FRMD5: variants seen among roughly 807,000 people sequenced by gnomAD.
The protein encoded by FRMD5 is FERM domain containing 5.
In FRMD5, 20 loss-of-function variants were observed where a neutral mutation model predicts 69.0. The ratio of observed to expected loss-of-function variants is 0.29; its 90% confidence interval spans 0.20 to 0.42. The LOEUF (loss-of-function observed/expected upper bound fraction) is 0.42. FRMD5 is among the 10% of genes least tolerant of loss of function. FRMD5 has a pLI of 1.00. For synonymous variants in FRMD5, 271 were observed against 260.1 expected, an observed-to-expected ratio of 1.04 and a Z score of -0.40; for missense variants, 595 against 708.6, an observed-to-expected ratio of 0.84 and a Z score of 1.82.
upstream of FRMD5, among the ~76,000 whole-genome samples, chr15:44,198,432 G>C (rs1350768891): frequency 6.6e-6 from 1 of 151,814 alleles, no homozygotes; most frequent in Non-Finnish European, 1.5e-5. Context: ...AATATCCAGA[G>C]AGAACTTCAA....
At chr15:44,018,492 T>C (rs891247204) in intron 1 of FRMD5, among the ~76,000 whole-genome samples, 20 of 152,152 alleles carry the variant, frequency 1.3e-4, no homozygotes, top group Non-Finnish European at 2.6e-4. Context: ...CCTTTGCAAA[T>C]AGAACACTGA....
chr15:44,059,660 C>T (rs571032435), intron 1 of FRMD5, among the ~76,000 whole-genome samples: 83 of 152,184 alleles, frequency 5.5e-4, no homozygotes, highest in African/African-American at 2.0e-3. Flanking sequence ...TACAGCCGCA[C>T]ACCACCACGC....
intron 1 of FRMD5, among the ~76,000 whole-genome samples, chr15:44,154,534 T>C (rs1299827166): frequency 6.6e-6 from 1 of 152,264 alleles, no homozygotes; most frequent in South Asian, 2.1e-4. Flanking sequence ...TTATGATTTA[T>C]AATCAGTGCA....
At chr15:43,879,028 C>T (rs1277547319) in intron 13 of FRMD5, among the ~76,000 whole-genome samples, 1 of 150,924 alleles carries the variant, frequency 6.6e-6, no homozygotes, top group Non-Finnish European at 1.5e-5. Flanking sequence ...GCCTCCGACC[C>T]CCGGGTTCAA....
At chr15:44,004,348 T>C (rs958208673) in intron 1 of FRMD5, among the ~76,000 whole-genome samples, 10 of 152,222 alleles carry the variant, frequency 6.6e-5, no homozygotes, top group Non-Finnish European at 1.2e-4. Flanking sequence ...GACTCACAGA[T>C]ACTATGTTTT....
chr15:44,091,595 G>A (rs987852391), intron 1 of FRMD5, among the ~76,000 whole-genome samples: 4 of 151,984 alleles, frequency 2.6e-5, no homozygotes, highest in Non-Finnish European at 4.4e-5. Context: ...ATTTTGTGAT[G>A]GGAAAAATGG....
At chr15:44,144,352 GA>G (rs2140454036) in intron 1 of FRMD5, among the ~76,000 whole-genome samples, 1 of 152,292 alleles carries the variant, frequency 6.6e-6, no homozygotes, top group South Asian at 2.1e-4. Context: ...CTTGTGGTCT[GA>G]ATGTTCCCTC....
intron 1 of FRMD5, among the ~76,000 whole-genome samples, chr15:44,163,727 T>A (rs1203784114): frequency 1.3e-5 from 2 of 152,160 alleles, no homozygotes; most frequent in Non-Finnish European, 2.9e-5. Flanking sequence ...TAAAAGGGAA[T>A]AAAGTGAACG....
intron 1 of FRMD5, among the ~76,000 whole-genome samples, chr15:44,094,090 G>A (rs890089453): frequency 1.3e-5 from 2 of 152,086 alleles, no homozygotes; most frequent in East Asian, 1.9e-4. Context: ...GATACAAACT[G>A]ACTCAAGCCA....
At chr15:43,922,333 A>C (rs28377221) in intron 2 of FRMD5, among the ~76,000 whole-genome samples, 16,545 of 152,266 alleles carry the variant, frequency 0.11, 1,368 homozygotes, top group East Asian at 0.23. Flanking sequence ...CATTTTGTTA[A>C]GGATGAGATG....
chr15:44,006,794 G>A (rs941563666), intron 1 of FRMD5, among the ~76,000 whole-genome samples: 3 of 152,172 alleles, frequency 2.0e-5, no homozygotes, highest in Non-Finnish European at 4.4e-5. Context: ...CAGAGAAAGT[G>A]GTTTCTTGAG....
At chr15:43,980,129 T>C (rs1036048093) in intron 1 of FRMD5, among the ~76,000 whole-genome samples, 3 of 152,254 alleles carry the variant, frequency 2.0e-5, no homozygotes, top group Non-Finnish European at 4.4e-5. Context: ...TTTACTCGTT[T>C]AATGTAGTAT....
intron 1 of FRMD5, among the ~76,000 whole-genome samples, chr15:44,122,066 A>T (rs1348422979): frequency 2.0e-5 from 3 of 151,994 alleles, no homozygotes; most frequent in Non-Finnish European, 4.4e-5. Flanking sequence ...TTCAAATCAC[A>T]TTCCTAAATT....
intron 1 of FRMD5, among the ~76,000 whole-genome samples, chr15:43,998,463 AT>A (rs1890039295): frequency 6.6e-6 from 1 of 152,208 alleles, no homozygotes; most frequent in Non-Finnish European, 1.5e-5. Context: ...AACACTAGAC[AT>A]TGTCTTTGAC....
chr15:44,015,319 T>G (rs930951107), intron 1 of FRMD5, among the ~76,000 whole-genome samples: 1 of 151,950 alleles, frequency 6.6e-6, no homozygotes, highest in African/African-American at 2.4e-5. Flanking sequence ...ACCTTTTGGT[T>G]TTTACAGAGC....
chr15:44,045,788 C>G (rs1566917926), intron 1 of FRMD5, among the ~76,000 whole-genome samples: 1 of 152,104 alleles, frequency 6.6e-6, no homozygotes. Context: ...TAAGTGAATA[C>G]AATGCTGTTG....
intron 1 of FRMD5, among the ~76,000 whole-genome samples, chr15:44,102,660 A>G (rs1255982427): frequency 6.6e-6 from 1 of 152,242 alleles, no homozygotes; most frequent in Admixed American, 6.5e-5. Flanking sequence ...CCTGCAGAAC[A>G]AAAGGGTAAG....
chr15:43,941,450 T>C (rs1040085645), intron 1 of FRMD5, among the ~76,000 whole-genome samples: 4 of 152,246 alleles, frequency 2.6e-5, no homozygotes, highest in African/African-American at 9.6e-5. Flanking sequence ...AAGTTTTAGA[T>C]GCTCTTTTCT....
intron 1 of FRMD5, among the ~76,000 whole-genome samples, chr15:44,022,397 T>A (rs1338983207): frequency 6.6e-6 from 1 of 150,678 alleles, no homozygotes; most frequent in Non-Finnish European, 1.5e-5. Flanking sequence ...AAACACCATC[T>A]CTACTAAAAA....
Sources: allele counts gnomAD v4.1 joint callset (sites outside exome capture counted in the v4.1 genomes callset), GRCh38; gene constraint gnomAD v4.1.1; transcripts MANE v1.5; gene names NCBI Gene and HGNC (gene_info 2026-07-23, HGNC 2026-07-21).